The following AFG1L variants were observed in gnomAD, a reference collection of about 807,000 sequenced individuals.
The protein encoded by AFG1L is AFG1-like ATPase.
Under a neutral mutation model 62.2 loss-of-function variants are expected in AFG1L, and 53 were observed. The ratio of observed to expected loss-of-function variants is 0.85; its 90% CI spans 0.68 to 1.07. The LOEUF (loss-of-function observed/expected upper bound fraction) is 1.07. AFG1L is among the 50% of genes least tolerant of loss of function. The pLI is 0.00. For missense variants in AFG1L, 555 were observed against 590.5 expected, an observed-to-expected ratio of 0.94 and a Z score of 0.62; for synonymous variants, 228 against 210.3, an observed-to-expected ratio of 1.08 and a Z score of -0.73.
chr6:108,477,144 T>C, intron 9 of AFG1L, 48 bp from the exon 10 acceptor site: 1 of 1,257,520 alleles, frequency 8.0e-7, no homozygotes. Context: ...AGATGAATTT[T>C]ATAGTAATTA....
intron 2 of AFG1L, among the ~76,000 whole-genome samples, chr6:108,339,280 A>G (rs905519442): frequency 4.0e-5 from 6 of 151,460 alleles, no homozygotes; most frequent in African/African-American, 1.2e-4. Flanking sequence ...AGCTGGGACT[A>G]CAGGCACGTG....
intron 10 of AFG1L, among the ~76,000 whole-genome samples, chr6:108,496,771 C>G (rs1773988682): frequency 1.3e-5 from 2 of 152,172 alleles, no homozygotes; most frequent in South Asian, 4.1e-4. Context: ...CTAAGTCTTT[C>G]ACTCCAACCA....
chr6:108,330,492 A>G (rs975417277), intron 2 of AFG1L, among the ~76,000 whole-genome samples: 2 of 152,080 alleles, frequency 1.3e-5, no homozygotes. Flanking sequence ...CCTTTTCTTT[A>G]TAAATTACTC....
intron 10 of AFG1L, among the ~76,000 whole-genome samples, chr6:108,495,899 AC>A (rs1773957644): frequency 6.6e-6 from 1 of 152,198 alleles, no homozygotes; most frequent in Non-Finnish European, 1.5e-5. Flanking sequence ...AGACTATTAA[AC>A]TTTTTAATTG....
At position 108,424,482 on chromosome 6, in the gene AFG1L, T is replaced by G. The variant is rs1562152629; in HGVS notation, c.807+22428T>G. ...CAATAGTTAGATTTCAACATGCATT[T>G]ACGAAGGGCTTAGTCATTGGGGTTA... On this transcript the variant is annotated intron_variant, in intron 7 of 12. Coordinates refer to ENST00000368977, the MANE Select transcript of AFG1L (RefSeq NM_145315.5). Among the ~76,000 whole-genome samples, 3 of 152,040 alleles carry G rather than the reference T, an allele frequency of 2.0e-5. No homozygotes were observed. The South Asian group carries it at 6.2e-4, about 31-fold the overall frequency.
intron 7 of AFG1L, among the ~76,000 whole-genome samples, chr6:108,423,627 C>T (rs981071473): frequency 3.3e-5 from 5 of 151,766 alleles, no homozygotes; most frequent in Non-Finnish European, 7.4e-5. Context: ...TTTTAAGTTG[C>T]GTTAAATAGT....
intron 7 of AFG1L, among the ~76,000 whole-genome samples, chr6:108,410,469 G>GAAGAC (rs1419109248): frequency 1.3e-5 from 2 of 151,938 alleles, no homozygotes; most frequent in African/African-American, 4.8e-5. Flanking sequence ...GAAGAGAAGA[G>GAAGAC]TTTTTACTAA....
intron 8 of AFG1L, among the ~76,000 whole-genome samples, chr6:108,469,235 T>G (rs151077736): frequency 6.6e-6 from 1 of 152,270 alleles, no homozygotes; most frequent in East Asian, 1.9e-4. Flanking sequence ...GCTATTCAGT[T>G]TCCTCCAAAG....
intron 5 of AFG1L, among the ~76,000 whole-genome samples, chr6:108,365,811 A>G (rs940411659): frequency 6.6e-6 from 1 of 152,120 alleles, no homozygotes; most frequent in African/African-American, 2.4e-5. Context: ...GAAAGGTATT[A>G]GAAATCTCAA....
intron 3 of AFG1L, among the ~76,000 whole-genome samples, chr6:108,355,068 T>C (rs1447781980): frequency 1.3e-5 from 2 of 152,098 alleles, no homozygotes; most frequent in Non-Finnish European, 2.9e-5. Context: ...TCAATATTTA[T>C]GTTAGATACT....
intron 1 of AFG1L, among the ~76,000 whole-genome samples, chr6:108,321,456 A>C (rs1315382025): frequency 6.6e-6 from 1 of 152,144 alleles, no homozygotes; most frequent in Non-Finnish European, 1.5e-5. Context: ...CGTGGGGCTG[A>C]AAGTTCCAAC....
In AFG1L at chr6:108,468,961, C is replaced by T. The variant is rs142928639; in HGVS notation, c.891-7904C>T. ...TCCAAGCATATTATAGTGTGTTCTTCCCTTTCTGCTCTCTTATTTTTTTCT... is the reference window on the plus strand; with the variant it reads ...TCCAAGCATATTATAGTGTGTTCTTTCCTTTCTGCTCTCTTATTTTTTTCT... On this transcript the variant is annotated intron_variant, in intron 8 of 12. Transcript: ENST00000368977. Among the ~76,000 whole-genome samples, 332 of 152,172 alleles carry T rather than the reference C, an allele frequency of 2.2e-3. 6 individuals carry two copies. The highest frequency in any genetic ancestry group is 3.4e-3 in the Middle Eastern group (1 of 294).
intron 2 of AFG1L, among the ~76,000 whole-genome samples, chr6:108,327,549 A>C (rs1433930853): frequency 2.0e-5 from 3 of 152,294 alleles, no homozygotes; most frequent in African/African-American, 7.2e-5. Context: ...TGAAGGGACA[A>C]ATGAGCTCCC....
chr6:108,498,533 C>G (rs947813248), intron 10 of AFG1L, among the ~76,000 whole-genome samples: 5 of 152,080 alleles, frequency 3.3e-5, no homozygotes, highest in African/African-American at 1.2e-4. Flanking sequence ...TGATCAAGAT[C>G]TCACACATCA....
chr6:108,509,050 C>T (rs1021618650), intron 10 of AFG1L, among the ~76,000 whole-genome samples: 1 of 152,210 alleles, frequency 6.6e-6, no homozygotes, highest in Non-Finnish European at 1.5e-5. Context: ...GAAACACTCT[C>T]CCAACATTTG....
At chr6:108,361,177 G>A (rs1221432055) in intron 5 of AFG1L, among the ~76,000 whole-genome samples, 2 of 152,214 alleles carry the variant, frequency 1.3e-5, no homozygotes, top group Non-Finnish European at 2.9e-5. Flanking sequence ...TGCCTTTGTG[G>A]CTCTTCTCTG....
chr6:108,337,291 C>T (rs1464105836), intron 2 of AFG1L, among the ~76,000 whole-genome samples: 1 of 152,228 alleles, frequency 6.6e-6, no homozygotes, highest in East Asian at 1.9e-4. Context: ...GAGTTTGCTG[C>T]AGTGCCCTGG....
intron 6 of AFG1L, among the ~76,000 whole-genome samples, chr6:108,389,864 G>T (rs1162518138): frequency 6.6e-6 from 1 of 152,072 alleles, no homozygotes; most frequent in Non-Finnish European, 1.5e-5. Flanking sequence ...TCTTGGAGTT[G>T]TTTTTCTCGA....
intron 7 of AFG1L, among the ~76,000 whole-genome samples, chr6:108,411,117 T>C (rs554077530): frequency 5.9e-5 from 9 of 152,180 alleles, no homozygotes; most frequent in Non-Finnish European, 7.3e-5. Flanking sequence ...GATTATATCC[T>C]GTGCCTGGCT....
Sources: allele counts gnomAD v4.1 joint callset (sites outside exome capture counted in the v4.1 genomes callset), GRCh38; gene constraint gnomAD v4.1.1; transcripts MANE v1.5; gene names NCBI Gene and HGNC (gene_info 2026-07-23, HGNC 2026-07-21).